SNORD118: variants seen among roughly 807,000 people sequenced by gnomAD.
SNORD118 encodes small nucleolar RNA, C/D box 118.
At chr17:8,173,577 C>G (rs527939991) in exon 1 of SNORD118, 2 of 764,586 alleles carry the variant, frequency 2.6e-6, no homozygotes, top group South Asian at 1.3e-5. Context: ...AAGGATTATC[C>G]CACCTGACGA....
chr17:8,173,464 A>AGCAATCAGGG, exon 1 of SNORD118: 1 of 764,328 alleles, frequency 1.3e-6, no homozygotes. Context: ...ATCAGACAGG[A>AGCAATCAGGG]GCAATCAGGG....
exon 1 of SNORD118, chr17:8,173,511 G>C (rs367845024): frequency 7.8e-6 from 6 of 765,190 alleles, no homozygotes; most frequent in African/African-American, 1.7e-5. Flanking sequence ...CGTTAATCAC[G>C]TTTCATGCAT....
rs181915503 is a variant in SNORD118 at position 8,173,465 on chromosome 17, G to A, written n.123C>T. Reference sequence around the variant, plus strand: ...GATCGTCAGAAAGAATCAGACAGGAGCAATCAGGGTGTTGCAAGTCCTGAT... The same window carrying A: ...GATCGTCAGAAAGAATCAGACAGGAACAATCAGGGTGTTGCAAGTCCTGAT... On this transcript the variant is annotated non_coding_transcript_exon_variant, in exon 1 of 1. Transcript: ENST00000363593. 2.0e-4 allele frequency: 152 copies of A among 764,316 alleles called. 1 individual carries two copies. Among genetic ancestry groups the A allele is most frequent in the East Asian group, 3.9e-4 (16 of 41,248 alleles). 47.3% of individuals were successfully genotyped at this position (764,316 alleles called of 1,614,324 possible).
At position 8,173,476 on chromosome 17, in the gene SNORD118, G is replaced by A. The variant is rs541427710; in HGVS notation, n.112C>T. The A allele has an allele frequency of 5.8e-5, 44 of 764,726 alleles. 1 individual carries two copies. Among genetic ancestry groups the A allele is most frequent in the African/African-American group, 1.5e-4 (9 of 59,234 alleles). 47.4% of individuals were successfully genotyped at this position (764,726 alleles called of 1,614,324 possible). ...AGAATCAGACAGGAGCAATCAGGGT[G>A]TTGCAAGTCCTGATTACGCAGAGAC... On this transcript the variant is annotated non_coding_transcript_exon_variant, in exon 1 of 1. Coordinates refer to ENST00000363593, the Ensembl canonical transcript of SNORD118.
exon 1 of SNORD118, chr17:8,173,546 C>CT: frequency 1.3e-6 from 1 of 765,358 alleles, no homozygotes. Context: ...TTCTAATCTG[C>CT]CCTCCGGAGG....
At position 8,173,534 on chromosome 17, in the gene SNORD118, T is replaced by C. The variant is rs117573525; in HGVS notation, n.54A>G. 2.1e-3 allele frequency: 1,577 copies of C among 765,424 alleles called. 16 individuals carry two copies. The highest frequency in any genetic ancestry group is 0.02 in the East Asian group (820 of 41,250). The allele number at this position is 765,424 out of a possible 1,614,324, so 47.4% of individuals were successfully genotyped here. A position where few individuals can be genotyped will look rare whatever the true frequency, so the allele number is the denominator to read the frequency against. On this transcript the variant is annotated non_coding_transcript_exon_variant, in exon 1 of 1. Coordinates refer to ENST00000363593, the Ensembl canonical transcript of SNORD118. ...ACGTTTCATGCATCTCCAATCATCATGTTCTAATCTGCCCTCCGGAGGAGG... is the reference window on the plus strand; with the variant it reads ...ACGTTTCATGCATCTCCAATCATCACGTTCTAATCTGCCCTCCGGAGGAGG...
In SNORD118 at chr17:8,173,466, C is replaced by A. The variant is rs201397948; in HGVS notation, n.122G>T. The A allele has an allele frequency of 1.1e-4, 86 of 764,298 alleles. No individual in the cohort carries two copies. The highest frequency in any genetic ancestry group is 4.7e-4 in the Admixed American group (28 of 58,964). 47.3% of individuals were successfully genotyped at this position (764,298 alleles called of 1,614,324 possible). ...ATCGTCAGAAAGAATCAGACAGGAG[C>A]AATCAGGGTGTTGCAAGTCCTGATT... On this transcript the variant is annotated non_coding_transcript_exon_variant, in exon 1 of 1. Transcript: ENST00000363593.
chr17:8,173,545 G>A lies in SNORD118; in HGVS notation n.43C>T, dbSNP rs145699731. 827 of 765,348 alleles carry A rather than the reference G, an allele frequency of 1.1e-3. 3 individuals carry two copies. The highest frequency in any genetic ancestry group is 2.3e-3 in the Middle Eastern group (10 of 4,428). The allele number at this position is 765,348 out of a possible 1,614,324, so 47.4% of individuals were successfully genotyped here. A position where few individuals can be genotyped will look rare whatever the true frequency, so the allele number is the denominator to read the frequency against. ...ATCTCCAATCATCATGTTCTAATCT[G>A]CCCTCCGGAGGAGGAACAGGTAAGG... On this transcript the variant is annotated non_coding_transcript_exon_variant, in exon 1 of 1. Transcript: ENST00000363593.
exon 1 of SNORD118, chr17:8,173,525 CA>C: frequency 1.3e-6 from 1 of 765,360 alleles, no homozygotes; most frequent in East Asian, 2.4e-5. Flanking sequence ...CATGCATCTC[CA>C]ATCATCATGT....
Position 8,173,584 on chromosome 17 carries a change from A to G in SNORD118, n.4T>C, listed in dbSNP as rs539989837. On this transcript the variant is annotated non_coding_transcript_exon_variant, in exon 1 of 1. Coordinates refer to ENST00000363593, the Ensembl canonical transcript of SNORD118. Reference sequence around the variant, plus strand: ...GAACAGGTAAGGATTATCCCACCTGACGATACAGACAAACAGCCGACATTC... The same window carrying G: ...GAACAGGTAAGGATTATCCCACCTGGCGATACAGACAAACAGCCGACATTC... 5.5e-5 allele frequency: 42 copies of G among 764,300 alleles called. No individual in the cohort carries two copies. Among genetic ancestry groups the G allele is most frequent in the African/African-American group, 8.5e-5 (5 of 59,120 alleles). The allele number at this position is 764,300 out of a possible 1,614,324, so 47.3% of individuals were successfully genotyped here.
At chr17:8,173,559 G>C (rs9893295) in exon 1 of SNORD118, 8 of 765,316 alleles carry the variant, frequency 1.0e-5, no homozygotes, top group Admixed American at 1.7e-5. Flanking sequence ...TCCGGAGGAG[G>C]AACAGGTAAG....
rs201784335 is a variant in SNORD118 at position 8,173,480 on chromosome 17, C to G, written n.108G>C. ...TCAGACAGGAGCAATCAGGGTGTTGCAAGTCCTGATTACGCAGAGACGTTA... is the reference window on the plus strand; with the variant it reads ...TCAGACAGGAGCAATCAGGGTGTTGGAAGTCCTGATTACGCAGAGACGTTA... On this transcript the variant is annotated non_coding_transcript_exon_variant, in exon 1 of 1. Transcript: ENST00000363593. 3.9e-5 allele frequency: 30 copies of G among 764,744 alleles called. No individual in the cohort carries two copies. The highest frequency in any genetic ancestry group is 6.5e-5 in the Non-Finnish European group (27 of 417,996). The allele number at this position is 764,744 out of a possible 1,614,324, so 47.4% of individuals were successfully genotyped here.
At chr17:8,173,500 A>C (rs1409719589) in exon 1 of SNORD118, 3 of 765,192 alleles carry the variant, frequency 3.9e-6, no homozygotes, top group African/African-American at 1.7e-5. Context: ...TTACGCAGAG[A>C]CGTTAATCAC....
Position 8,173,472 on chromosome 17 carries a change from G to A in SNORD118, n.116C>T, listed in dbSNP as rs190182110. The A allele has an allele frequency of 3.5e-4, 271 of 764,638 alleles. No individual in the cohort carries two copies. The highest frequency in any genetic ancestry group is 7.8e-4 in the Admixed American group (46 of 59,006). The allele number at this position is 764,638 out of a possible 1,614,324, so 47.4% of individuals were successfully genotyped here. A position where few individuals can be genotyped will look rare whatever the true frequency, so the allele number is the denominator to read the frequency against. On this transcript the variant is annotated non_coding_transcript_exon_variant, in exon 1 of 1. Coordinates refer to ENST00000363593, the Ensembl canonical transcript of SNORD118. Reference sequence around the variant, plus strand: ...AGAAAGAATCAGACAGGAGCAATCAGGGTGTTGCAAGTCCTGATTACGCAG... The same window carrying A: ...AGAAAGAATCAGACAGGAGCAATCAAGGTGTTGCAAGTCCTGATTACGCAG...
exon 1 of SNORD118, chr17:8,173,526 A>G (rs752572914): frequency 7.8e-6 from 6 of 765,428 alleles, no homozygotes; most frequent in East Asian, 4.8e-5. Context: ...ATGCATCTCC[A>G]ATCATCATGT....
exon 1 of SNORD118, chr17:8,173,462 G>T (rs374135155): frequency 1.2e-5 from 9 of 763,996 alleles, no homozygotes; most frequent in African/African-American, 3.4e-5. Context: ...GAATCAGACA[G>T]GAGCAATCAG....
Position 8,173,491 on chromosome 17 carries a change from T to G in SNORD118, n.97A>C, listed in dbSNP as rs762385657. On this transcript the variant is annotated non_coding_transcript_exon_variant, in exon 1 of 1. Transcript: ENST00000363593. ...CAATCAGGGTGTTGCAAGTCCTGATTACGCAGAGACGTTAATCACGTTTCA... is the reference window on the plus strand; with the variant it reads ...CAATCAGGGTGTTGCAAGTCCTGATGACGCAGAGACGTTAATCACGTTTCA... 12 of 765,016 alleles carry G rather than the reference T, an allele frequency of 1.6e-5. 1 individual carries two copies. The highest frequency in any genetic ancestry group is 2.4e-5 in the East Asian group (1 of 41,254). 47.4% of individuals were successfully genotyped at this position (765,016 alleles called of 1,614,324 possible).
chr17:8,173,568 A>G (rs762247263), exon 1 of SNORD118: 6 of 764,954 alleles, frequency 7.8e-6, no homozygotes, highest in Non-Finnish European at 1.4e-5. Flanking sequence ...GGAACAGGTA[A>G]GGATTATCCC....
In SNORD118 at chr17:8,173,520, A is replaced by C. The variant is rs769050708; in HGVS notation, n.68T>G. The C allele has an allele frequency of 2.4e-5, 18 of 765,298 alleles. 1 individual carries two copies. The highest frequency in any genetic ancestry group is 4.8e-5 in the East Asian group (2 of 41,264). 47.4% of individuals were successfully genotyped at this position (765,298 alleles called of 1,614,324 possible). On this transcript the variant is annotated non_coding_transcript_exon_variant, in exon 1 of 1. Coordinates refer to ENST00000363593, the Ensembl canonical transcript of SNORD118. ...CAGAGACGTTAATCACGTTTCATGC[A>C]TCTCCAATCATCATGTTCTAATCTG...
Sources: gnomAD v4.1 joint callset for allele counts on GRCh38, gnomAD v4.1.1 for gene constraint, MANE v1.5 for transcripts, NCBI Gene and HGNC (gene_info 2026-07-23, HGNC 2026-07-21) for gene names.